Variants in DLGAP2 observed in about 807,000 individuals in gnomAD.
DLGAP2 encodes the protein disks large-associated protein 2.
A neutral mutation model predicts 100.3 loss-of-function variants in DLGAP2; 26 were observed. The observed-to-expected ratio is 0.26, with a 90% confidence interval of 0.19 to 0.36. The LOEUF (loss-of-function observed/expected upper bound fraction) is 0.36, where lower values mean the gene tolerates loss of function less well. Among genes scored for constraint, DLGAP2 ranks in the 10% least tolerant of loss-of-function variants. The probability of loss-of-function intolerance (pLI) is 1.00; values close to 1 mark genes in which losing one functional copy is unlikely to be tolerated. For missense variants in DLGAP2, 1,858 were observed against 1,453.2 expected (o/e 1.28, Z -4.53); for synonymous variants, 886 against 630.1 (o/e 1.41, Z -6.08).
At chr8:1,254,440 T>G (rs558823552) in intron 2 of DLGAP2, among the ~76,000 whole-genome samples, 1 of 152,270 alleles carries the variant, frequency 6.6e-6, no homozygotes, top group South Asian at 2.1e-4. Flanking sequence ...AGGAACGTCT[T>G]GATTAAATAA....
intron 1 of DLGAP2, among the ~76,000 whole-genome samples, chr8:852,700 C>T (rs186974455): frequency 4.0e-5 from 6 of 151,486 alleles, no homozygotes; most frequent in Admixed American, 2.6e-4. Flanking sequence ...GCTACTTCAA[C>T]GTTTCTGTAA....
intron 6 of DLGAP2, among the ~76,000 whole-genome samples, chr8:1,591,533 C>G (rs1055221964): frequency 7.9e-6 from 1 of 126,194 alleles, no homozygotes; most frequent in Non-Finnish European, 1.7e-5. Flanking sequence ...GCCTAACCCC[C>G]TCCTCCCACT....
At chr8:1,326,067 A>T (rs909462483) in intron 3 of DLGAP2, among the ~76,000 whole-genome samples, 1 of 152,216 alleles carries the variant, frequency 6.6e-6, no homozygotes, top group East Asian at 1.9e-4. Flanking sequence ...AAAAATGGCC[A>T]TAAGTGGACT....
chr8:1,506,924 C>T (rs1458579372), intron 4 of DLGAP2, among the ~76,000 whole-genome samples: 2 of 152,340 alleles, frequency 1.3e-5, no homozygotes, highest in African/African-American at 4.8e-5. Context: ...CATTTACAAT[C>T]CTCTAGCTAG....
chr8:1,392,168 C>G (rs1027789946), intron 3 of DLGAP2, among the ~76,000 whole-genome samples: 1 of 152,196 alleles, frequency 6.6e-6, no homozygotes, highest in Non-Finnish European at 1.5e-5. Context: ...GAAAACAAGA[C>G]CCCTGAGTTC....
At chr8:1,165,283 G>A (rs55701965) in intron 2 of DLGAP2, among the ~76,000 whole-genome samples, 50,206 of 151,144 alleles carry the variant, frequency 0.33, 9,718 homozygotes, top group Non-Finnish European at 0.43. Flanking sequence ...CAGAGACAGA[G>A]ATGGGGAGAG....
chr8:1,463,545 G>A (rs1021074661), intron 3 of DLGAP2, among the ~76,000 whole-genome samples: 3 of 152,214 alleles, frequency 2.0e-5, no homozygotes, highest in East Asian at 1.9e-4. Context: ...CTCCTGCCCC[G>A]GGTGGCCCCG....
intron 2 of DLGAP2, among the ~76,000 whole-genome samples, chr8:923,518 A>G (rs563118512): frequency 6.6e-6 from 1 of 152,218 alleles, no homozygotes; most frequent in East Asian, 1.9e-4. Flanking sequence ...AAAAAGCTAC[A>G]GTTCCTGAAG....
chr8:1,141,124 G>C (rs144947664), intron 2 of DLGAP2, among the ~76,000 whole-genome samples: 135 of 152,290 alleles, frequency 8.9e-4, no homozygotes, highest in African/African-American at 3.1e-3. Flanking sequence ...AGGCCGTGCT[G>C]CCTGGAAAAG....
intron 3 of DLGAP2, among the ~76,000 whole-genome samples, chr8:1,423,201 G>C (rs1468302175): frequency 6.6e-6 from 1 of 152,156 alleles, no homozygotes; most frequent in Admixed American, 6.5e-5. Flanking sequence ...TCAACCAGCA[G>C]AGATTGAGTT....
intron 3 of DLGAP2, among the ~76,000 whole-genome samples, chr8:1,288,564 A>G (rs1799990792): frequency 1.2e-5 from 1 of 84,708 alleles, no homozygotes; most frequent in African/African-American, 5.2e-5. Context: ...GTGTGTGGTT[A>G]GGAGGGGAAC....
chr8:1,044,491 G>A (rs958412965), intron 2 of DLGAP2, among the ~76,000 whole-genome samples: 4 of 152,208 alleles, frequency 2.6e-5, no homozygotes, highest in African/African-American at 9.6e-5. Context: ...CGCAGTCCTA[G>A]CGCTGAAATC....
intron 8 of DLGAP2, among the ~76,000 whole-genome samples, chr8:1,662,987 A>G (rs1585042764): frequency 1.4e-5 from 2 of 145,710 alleles, no homozygotes; most frequent in Admixed American, 1.4e-4. Flanking sequence ...GTGTGTGTAC[A>G]TGTGTGAGTG....
At chr8:788,845 C>T (rs1051083275) in intron 1 of DLGAP2, among the ~76,000 whole-genome samples, 2 of 152,154 alleles carry the variant, frequency 1.3e-5, no homozygotes, top group African/African-American at 4.8e-5. Context: ...GACTTTTTCC[C>T]ATGGGCTTTT....
At chr8:905,381 G>A (rs1798356731) in intron 1 of DLGAP2, among the ~76,000 whole-genome samples, 1 of 152,154 alleles carries the variant, frequency 6.6e-6, no homozygotes, top group Non-Finnish European at 1.5e-5. Context: ...AGCTGCCCCG[G>A]GAACCCCATG....
chr8:1,691,421 C>T (rs1183447482), intron 12 of DLGAP2, 114 bp from the exon 13 acceptor site: 6 of 836,398 alleles, frequency 7.2e-6, no homozygotes, highest in African/African-American at 1.7e-5. Context: ...ACGATGAAGT[C>T]GTCAGTTTTC....
At chr8:1,262,399 C>T (rs1030694465) in intron 3 of DLGAP2, 7 of 152,056 alleles carry the variant, frequency 4.6e-5, no homozygotes, top group African/African-American at 1.7e-4. Context: ...TTACTGGTAC[C>T]TTTGTTCCTA....
intron 2 of DLGAP2, among the ~76,000 whole-genome samples, chr8:1,154,291 C>A (rs1156442418): frequency 6.6e-6 from 1 of 152,096 alleles, no homozygotes; most frequent in Non-Finnish European, 1.5e-5. Context: ...AGTTACTGAC[C>A]TGGGGTGAGT....
intron 3 of DLGAP2, among the ~76,000 whole-genome samples, chr8:1,480,353 T>G (rs1799057411): frequency 6.6e-6 from 1 of 152,218 alleles, no homozygotes; most frequent in South Asian, 2.1e-4. Context: ...ATCTCAGTGC[T>G]GACTCTGTCT....
Sources: gnomAD v4.1 joint callset for allele counts (sites outside exome capture counted in the v4.1 genomes callset) on GRCh38, gnomAD v4.1.1 for gene constraint, MANE v1.5 for transcripts, NCBI Gene and HGNC (gene_info 2026-07-23, HGNC 2026-07-21) for gene names.